Variants in DMD observed in about 807,000 individuals in gnomAD.
The protein encoded by DMD is mutant dystrophin.
Under a neutral mutation model 330.1 loss-of-function variants are expected in DMD, and 63 were observed. That is an observed-to-expected ratio of 0.19 (90% CI 0.16 to 0.24). DMD has a LOEUF of 0.24. DMD is among the 10% of genes least tolerant of loss of function. DMD has a pLI of 1.00. For missense variants in DMD, 3,344 were observed against 2,684.1 expected (o/e 1.25, Z -5.43); for synonymous variants, 1,223 against 959.8 (o/e 1.27, Z -5.07).
At chrX:31,934,838 A>G (rs1384722988) in intron 45 of DMD, among the ~76,000 whole-genome samples, 1 of 112,293 alleles carries the variant, frequency 8.9e-6, no homozygotes, top group African/African-American at 3.2e-5. Context: ...TAACTTTTGA[A>G]CTAATAATTA....
At position 33,285,491 on chromosome X, in the gene DMD, A is replaced by G. The variant is rs758800954; in HGVS notation, c.7+53768T>C. Among the ~76,000 whole-genome samples the G allele has an allele frequency of 3.6e-5, 4 of 112,268 alleles. No individual in the cohort carries two copies. The South Asian group carries it at 1.1e-3, about 31-fold the overall frequency. The stretch of plus-strand genomic sequence containing the variant: ...TTTGAAACTTGGAGGATCAAATAAT[A>G]TAACTCAGAATTCTTTCTGTCAAAA... On this transcript the variant is annotated intron_variant, in intron 1 of 17. Coordinates refer to the DMD transcript ENST00000288447.
chrX:31,775,624 C>T (rs1196006838), intron 50 of DMD, among the ~76,000 whole-genome samples: 1 of 111,218 alleles, frequency 9.0e-6, no homozygotes, highest in African/African-American at 3.3e-5. Context: ...TCAAGGAAAG[C>T]TGCAAAAGAC....
chrX:32,776,289 C>CA (rs987264237), intron 7 of DMD, among the ~76,000 whole-genome samples: 1 of 108,804 alleles, frequency 9.2e-6, no homozygotes, highest in Non-Finnish European at 1.9e-5. Flanking sequence ...CTGACCCCCC[C>CA]CCCAAATTGT....
chrX:32,893,209 G>A (rs986514546), intron 2 of DMD, among the ~76,000 whole-genome samples: 16 of 111,901 alleles, frequency 1.4e-4, no homozygotes, highest in Non-Finnish European at 2.3e-4. Flanking sequence ...GTAACCAAAT[G>A]GTTTCGCCTA....
intron 60 of DMD, among the ~76,000 whole-genome samples, chrX:31,377,697 C>T (rs900630419): frequency 1.8e-5 from 2 of 111,808 alleles, no homozygotes; most frequent in African/African-American, 6.5e-5. Flanking sequence ...GGAATTACAA[C>T]AGTACCTATC....
At chrX:31,233,989 C>T (rs750039982) in intron 63 of DMD, among the ~76,000 whole-genome samples, 2 of 111,600 alleles carry the variant, frequency 1.8e-5, no homozygotes, top group Non-Finnish European at 3.8e-5. Flanking sequence ...GGTGATTTCC[C>T]GTTGTCTTGC....
intron 55 of DMD, among the ~76,000 whole-genome samples, chrX:31,558,824 G>T (rs1387128184): frequency 9.0e-6 from 1 of 110,708 alleles, no homozygotes; most frequent in Non-Finnish European, 1.9e-5. Flanking sequence ...CCTTGAAAGG[G>T]TCAAGTAGAA....
At chrX:32,851,545 A>G (rs1210482695) in intron 2 of DMD, among the ~76,000 whole-genome samples, 1 of 112,538 alleles carries the variant, frequency 8.9e-6, no homozygotes, top group Non-Finnish European at 1.9e-5. Flanking sequence ...TAGAAACACC[A>G]AACTGAACAG....
chrX:31,773,519 G>C (rs1368918589), intron 51 of DMD, among the ~76,000 whole-genome samples: 3 of 111,248 alleles, frequency 2.7e-5, no homozygotes, highest in Admixed American at 1.9e-4. Flanking sequence ...AGGCAAATTG[G>C]CACAGACAAC....
At chrX:32,614,874 G>C (rs894830145) in intron 11 of DMD, among the ~76,000 whole-genome samples, 1 of 109,270 alleles carries the variant, frequency 9.2e-6, no homozygotes, top group African/African-American at 3.4e-5. Flanking sequence ...ATCTGGACTT[G>C]TGTTTTTTTT....
intron 59 of DMD, among the ~76,000 whole-genome samples, chrX:31,450,518 G>T (rs1286323875): frequency 1.8e-5 from 2 of 112,501 alleles, no homozygotes; most frequent in Non-Finnish European, 3.8e-5. Flanking sequence ...TTCATGAAAT[G>T]TATCAGGCTC....
At chrX:32,807,213 T>TA (rs1394308448) in intron 7 of DMD, among the ~76,000 whole-genome samples, 3 of 91,147 alleles carry the variant, frequency 3.3e-5, no homozygotes, top group African/African-American at 1.3e-4. Flanking sequence ...CTAGATAGAC[T>TA]AATAAAGAAA....
intron 7 of DMD, among the ~76,000 whole-genome samples, chrX:32,719,711 G>A (rs550153421): frequency 5.4e-5 from 6 of 110,690 alleles, no homozygotes; most frequent in Non-Finnish European, 1.1e-4. Context: ...TTCACTGCTT[G>A]GAATGCCTGA....
intron 52 of DMD, among the ~76,000 whole-genome samples, chrX:31,718,350 C>T (rs999230728): frequency 1.8e-5 from 2 of 110,932 alleles, no homozygotes; most frequent in East Asian, 5.7e-4. Flanking sequence ...TTTTTTTACT[C>T]TTATAGCTAG....
At chrX:33,062,730 G>A (rs988915091) in intron 1 of DMD, among the ~76,000 whole-genome samples, 15 of 112,656 alleles carry the variant, frequency 1.3e-4, no homozygotes, top group African/African-American at 4.5e-4. Flanking sequence ...ACCCGCCTCG[G>A]CCTCCCAAAG....
At chrX:32,719,433 A>T (rs1008876475) in intron 7 of DMD, among the ~76,000 whole-genome samples, 1 of 111,543 alleles carries the variant, frequency 9.0e-6, no homozygotes, top group Admixed American at 9.6e-5. Context: ...AGTAGATGAA[A>T]TTTTCAGTAA....
chrX:31,941,803 A>C (rs185215471), intron 45 of DMD, among the ~76,000 whole-genome samples: 1 of 111,517 alleles, frequency 9.0e-6, no homozygotes, highest in African/African-American at 3.3e-5. Flanking sequence ...CTGTTCCTGC[A>C]TTAATTCACT....
At chrX:32,504,849 G>A (rs1380139316) in intron 18 of DMD, among the ~76,000 whole-genome samples, 5 of 110,231 alleles carry the variant, frequency 4.5e-5, no homozygotes, top group Non-Finnish European at 9.5e-5. Context: ...ATATACACAC[G>A]TAACAAACCT....
At chrX:32,915,322 A>G (rs1439608744) in intron 2 of DMD, among the ~76,000 whole-genome samples, 1 of 111,398 alleles carries the variant, frequency 9.0e-6, no homozygotes, top group Non-Finnish European at 1.9e-5. Flanking sequence ...CATATGAATT[A>G]TTTTGCATTG....
Sources: allele counts gnomAD v4.1 joint callset (sites outside exome capture counted in the v4.1 genomes callset), GRCh38; gene constraint gnomAD v4.1.1; transcripts MANE v1.5; gene names NCBI Gene and HGNC (gene_info 2026-07-23, HGNC 2026-07-21).